ENDOU: variants seen among roughly 807,000 people sequenced by gnomAD.
The protein encoded by ENDOU is endonuclease, poly(U) specific.
ENDOU carries 49 observed loss-of-function variants against 54.2 expected under a neutral mutation model. That is an observed-to-expected ratio of 0.90 (90% CI 0.72 to 1.15). ENDOU has a LOEUF of 1.15. Among genes scored for constraint, ENDOU ranks in the 50% most tolerant of loss-of-function variants. ENDOU has a pLI of 0.00. For synonymous variants in ENDOU, 172 were observed against 190.5 expected (o/e 0.90, Z 0.80); for missense variants, 458 against 511.4 (o/e 0.90, Z 1.01).
Position 47,712,623 on chromosome 12 carries a change from C to T in ENDOU, c.866-1G>A. On this transcript the variant is annotated splice_acceptor_variant, in intron 7 of 9. Transcript: ENST00000422538. LOFTEE classifies it high-confidence loss of function. ...GTAACCTTGCCTTTTTTTACCTCAC[C>T]TATAATAAAGAGTCCAAGATGGATA... The T allele has an allele frequency of 6.2e-7, 1 of 1,610,830 alleles. No individual in the cohort carries two copies. Among genetic ancestry groups the T allele is most frequent in the Non-Finnish European group, 8.5e-7 (1 of 1,177,228 alleles).
At chr12:47,716,194 A>C (rs975853604) in intron 6 of ENDOU, 106 bp downstream of exon 6, 4 of 1,078,338 alleles carry the variant, frequency 3.7e-6, no homozygotes, top group Non-Finnish European at 5.6e-6. Context: ...ACCTCCACAG[A>C]GTCCCCACCG....
chr12:47,716,254 G>A (rs753150112), intron 6 of ENDOU, 46 bp downstream of exon 6: 60 of 1,597,208 alleles, frequency 3.8e-5, no homozygotes, highest in Admixed American at 2.8e-4. Context: ...ACCTGGCTTC[G>A]CTCAGACAGA....
intron 5 of ENDOU, 75 bp from the exon 6 acceptor site, chr12:47,716,574 G>T: frequency 1.4e-6 from 2 of 1,414,044 alleles, no homozygotes; most frequent in African/African-American, 1.4e-5. Context: ...CTTCTAGACA[G>T]GCCAGGGGCA....
At chr12:47,717,463 C>A (rs1940289275) in intron 4 of ENDOU, 55 bp downstream of exon 4, 6 of 1,582,776 alleles carry the variant, frequency 3.8e-6, no homozygotes, top group South Asian at 2.3e-5. Context: ...ATGTTGAGAA[C>A]CTGCTCTAAA....
intron 2 of ENDOU, among the ~76,000 whole-genome samples, chr12:47,718,995 A>G (rs1259066397): frequency 6.6e-6 from 1 of 152,218 alleles, no homozygotes; most frequent in Non-Finnish European, 1.5e-5. Context: ...TCTTCAGTCA[A>G]CAAACATCTT....
chr12:47,721,383 C>T (rs892872792), intron 1 of ENDOU, among the ~76,000 whole-genome samples: 2 of 152,130 alleles, frequency 1.3e-5, no homozygotes, highest in African/African-American at 4.8e-5. Context: ...GGTCTGTGAA[C>T]TGGGTGTAGC....
chr12:47,712,388 C>T lies in ENDOU; in HGVS notation c.972+128G>A, dbSNP rs895015069. 3.8e-5 allele frequency: 26 copies of T among 684,596 alleles called. 1 individual carries two copies. The highest frequency in any genetic ancestry group is 2.7e-4 in the South Asian group (15 of 54,704). The allele number at this position is 684,596 out of a possible 1,614,324, so 42.4% of individuals were successfully genotyped here. A position where few individuals can be genotyped will look rare whatever the true frequency, so the allele number is the denominator to read the frequency against. On this transcript the variant is annotated intron_variant, in intron 8 of 9. Transcript: ENST00000422538. ...AAAGTGGCTGTCTAGCAGGTGAGGA[C>T]GTGATAGTCACAATCACCTGGGGCT...
In ENDOU at chr12:47,716,889, C is replaced by T. The variant is rs150299683; in HGVS notation, c.551+1G>A. ...TAGAAAGAGGAATTGTGGGAACTCA[C>T]GGCTTTGGGCAGCGATCCACTTGGT... On this transcript the variant is annotated splice_donor_variant, in intron 5 of 9. Coordinates refer to ENST00000422538, the MANE Select transcript of ENDOU (RefSeq NM_001172439.2). LOFTEE classifies it high-confidence loss of function. The T allele has an allele frequency of 5.5e-5, 88 of 1,613,794 alleles. No individual in the cohort carries two copies. The highest frequency in any genetic ancestry group is 6.7e-5 in the Non-Finnish European group (79 of 1,179,960).
chr12:47,714,282 A>G (rs1940145887), intron 6 of ENDOU, among the ~76,000 whole-genome samples: 1 of 152,238 alleles, frequency 6.6e-6, no homozygotes, highest in Non-Finnish European at 1.5e-5. Context: ...CCAGAGACCA[A>G]TCTCTTTAAC....
At chr12:47,714,401 A>G (rs1302748589) in intron 6 of ENDOU, among the ~76,000 whole-genome samples, 1 of 152,206 alleles carries the variant, frequency 6.6e-6, no homozygotes, top group Non-Finnish European at 1.5e-5. Flanking sequence ...TAAAAAGGCA[A>G]TGGGGTGGTA....
At chr12:47,719,498 G>A (rs1264607771) in intron 2 of ENDOU, 1 of 152,192 alleles carries the variant, frequency 6.6e-6, no homozygotes, top group African/African-American at 2.4e-5. Context: ...TGTGTCACGG[G>A]AGGGACCTGG....
rs1347955597 is a variant in ENDOU at position 47,710,651 on chromosome 12, C to T, written c.*151G>A. ...TCTAATTTGTACATTTTATCTCTTT[C>T]CCATGTGGGCACTTTGGGATTTAGG... On this transcript the variant is annotated 3_prime_UTR_variant, in exon 10 of 10. Transcript: ENST00000422538. The T allele has an allele frequency of 4.6e-6, 3 of 654,474 alleles. No individual in the cohort carries two copies. The highest frequency in any genetic ancestry group is 2.6e-5 in the East Asian group (1 of 39,178). 40.5% of individuals were successfully genotyped at this position (654,474 alleles called of 1,614,324 possible). A position where few individuals can be genotyped will look rare whatever the true frequency, so the allele number is the denominator to read the frequency against.
intron 1 of ENDOU, among the ~76,000 whole-genome samples, chr12:47,724,130 C>T (rs562672586): frequency 6.6e-6 from 1 of 152,304 alleles, no homozygotes; most frequent in African/African-American, 2.4e-5. Context: ...GACCAAATAT[C>T]CAGAGTTGCT....
chr12:47,718,108 C>G, intron 3 of ENDOU, 21 bp downstream of exon 3: 1 of 1,556,416 alleles, frequency 6.4e-7, no homozygotes, highest in Non-Finnish European at 8.7e-7. Context: ...TGAGGGCCCC[C>G]CTTTGGGGAG....
chr12:47,711,633 A>G lies in ENDOU; in HGVS notation c.1115T>C (p.Val372Ala). Reference protein sequence around the residue: ...SLCFIARPGKVCQLSLGGYPL... With the variant: ...SLCFIARPGKACQLSLGGYPL... ...CAGGCCTGGCTGGCCCCATTCTTAC[A>G]CTTTGCCTGGCCTGGCGATGAAGCA... Residue 372 changes from valine to alanine, a missense_variant and splice_region_variant, in exon 9 of 10, where the codon GTG becomes GCG. Physicochemically the swap from Val to Ala is moderately conservative, Grantham distance 64. Coordinates refer to ENST00000422538, the MANE Select transcript of ENDOU (RefSeq NM_001172439.2). The G allele has an allele frequency of 6.2e-7, 1 of 1,613,024 alleles. No homozygotes were observed. Among genetic ancestry groups the G allele is most frequent in the South Asian group, 1.1e-5 (1 of 90,862 alleles).
chr12:47,712,031 C>T (rs1940038773), intron 8 of ENDOU, among the ~76,000 whole-genome samples: 1 of 152,180 alleles, frequency 6.6e-6, no homozygotes. Flanking sequence ...ATAGGATCCA[C>T]CTCTGGATAT....
chr12:47,712,432 T>C, intron 8 of ENDOU, 84 bp downstream of exon 8: 1 of 1,062,268 alleles, frequency 9.4e-7, no homozygotes. Context: ...AGAGTCAGGC[T>C]GAGAGGCAAG....
rs1939970073 is a variant in ENDOU at position 47,710,879 on chromosome 12, TC to T, written c.1155del (p.Thr386HisfsTer21). ...LSLGGYPLAV[R>X]TYTWDKSTYG... ...TAGGTGGACTTGTCCCAGGTATATG[TC>T]CGGACAGCTAAGGGATATCCTCCCA... is the stretch of plus-strand genomic sequence containing the variant. On this transcript the variant is annotated frameshift_variant, in exon 10 of 10. Coordinates refer to ENST00000422538, the MANE Select transcript of ENDOU (RefSeq NM_001172439.2). LOFTEE classifies it high-confidence loss of function. 1 of 1,614,076 alleles carries T rather than the reference TC, an allele frequency of 6.2e-7. No homozygotes were observed. The highest frequency in any genetic ancestry group is 8.5e-7 in the Non-Finnish European group (1 of 1,179,952).
chr12:47,711,534 A>G (rs959084514), intron 9 of ENDOU, 99 bp downstream of exon 9: 32 of 1,385,122 alleles, frequency 2.3e-5, no homozygotes, highest in Middle Eastern at 2.5e-4. Context: ...AAGCCCTCTC[A>G]GCCTCTTTGT....
Sources: gnomAD v4.1 joint callset for allele counts (sites outside exome capture counted in the v4.1 genomes callset) on GRCh38, gnomAD v4.1.1 for gene constraint, MANE v1.5 for transcripts, NCBI Gene and HGNC (gene_info 2026-07-23, HGNC 2026-07-21) for gene names.